MID1: variants seen among roughly 807,000 people sequenced by gnomAD.
The protein encoded by MID1 is E3 ubiquitin-protein ligase Midline-1.
A neutral mutation model predicts 40.4 loss-of-function variants in MID1; 7 were observed. The observed-to-expected ratio is 0.17, with a 90% CI of 0.10 to 0.33. The LOEUF is 0.33. Ranked by LOEUF, MID1 falls within the 10% of genes least tolerant of loss-of-function variation. MID1 has a pLI of 1.00. For missense variants in MID1, 367 were observed against 558.5 expected (o/e 0.66, Z 3.46); for synonymous variants, 229 against 221.2 (o/e 1.04, Z -0.31).
At chrX:10,763,897 T>G (rs1055218970) in intron 1 of MID1, among the ~76,000 whole-genome samples, 60 of 112,433 alleles carry the variant, frequency 5.3e-4, no homozygotes, top group African/African-American at 1.9e-3. Context: ...GGTTTTGATT[T>G]GCGTTTCTCT....
intron 1 of MID1, among the ~76,000 whole-genome samples, chrX:10,609,173 AC>A (rs1428235861): frequency 9.0e-6 from 1 of 111,543 alleles, no homozygotes; most frequent in East Asian, 2.8e-4. Context: ...ACACACACAC[AC>A]ACACATTTGT....
chrX:10,816,207 C>G (rs1569177546), intron 1 of MID1, among the ~76,000 whole-genome samples: 1 of 111,773 alleles, frequency 8.9e-6, no homozygotes, highest in Non-Finnish European at 1.9e-5. Flanking sequence ...GCTCAACCAA[C>G]AAAATAGTTC....
chrX:10,754,316 G>GTTTTT (rs1210089624), intron 1 of MID1, among the ~76,000 whole-genome samples: 11 of 105,408 alleles, frequency 1.0e-4, no homozygotes, highest in African/African-American at 3.1e-4. Context: ...TTTGTTTTTT[G>GTTTTT]TTTTTTGTTT....
intron 1 of MID1, among the ~76,000 whole-genome samples, chrX:10,798,378 C>T (rs760680001): frequency 1.8e-5 from 2 of 111,908 alleles, no homozygotes; most frequent in African/African-American, 6.5e-5. Flanking sequence ...CTGGCAACTG[C>T]GTCTGGCATG....
At chrX:10,504,025 T>C (rs1225295770) in intron 3 of MID1, among the ~76,000 whole-genome samples, 1 of 112,161 alleles carries the variant, frequency 8.9e-6, no homozygotes, top group African/African-American at 3.2e-5. Context: ...ATGTTGTTGA[T>C]GTCGCTGTTA....
intron 1 of MID1, among the ~76,000 whole-genome samples, chrX:10,803,603 G>A (rs924081791): frequency 4.5e-5 from 5 of 111,154 alleles, no homozygotes; most frequent in South Asian, 3.8e-4. Flanking sequence ...TGCCCGCTTC[G>A]GCCTCCCAAA....
intron 1 of MID1, among the ~76,000 whole-genome samples, chrX:10,680,719 C>T (rs886963240): frequency 9.0e-6 from 1 of 110,848 alleles, no homozygotes; most frequent in African/African-American, 3.3e-5. Flanking sequence ...GCCTGCACTT[C>T]TACTTCTGGG....
rs780406773 is a variant in MID1 at position 10,537,808 on chromosome X, T to G, written c.661-14621A>C. ...ACTCCATCCTCTGTCCTGACACGAT[T>G]CAGATTTTGATCTCAGATCTCAACT... On this transcript the variant is annotated intron_variant, in intron 2 of 9. Transcript: ENST00000317552. Among the ~76,000 whole-genome samples the G allele has an allele frequency of 4.5e-5, 5 of 111,995 alleles. No individual in the cohort carries two copies. In the South Asian group the frequency reaches 1.5e-3, roughly 34 times the overall value.
At chrX:10,633,879 T>C (rs1028443289) in intron 1 of MID1, among the ~76,000 whole-genome samples, 2 of 111,640 alleles carry the variant, frequency 1.8e-5, no homozygotes, top group Non-Finnish European at 3.8e-5. Context: ...TCCTCCCCAA[T>C]ACTCGTTGCC....
chrX:10,635,483 ATAAG>A (rs1403814359), intron 1 of MID1, among the ~76,000 whole-genome samples: 1 of 112,190 alleles, frequency 8.9e-6, no homozygotes, highest in African/African-American at 3.2e-5. Context: ...AATTAATAAA[ATAAG>A]TATTCATTTT....
intron 1 of MID1, among the ~76,000 whole-genome samples, chrX:10,710,188 T>C (rs1056832483): frequency 5.4e-5 from 6 of 111,060 alleles, no homozygotes; most frequent in Non-Finnish European, 9.4e-5. Flanking sequence ...GGTTGGTTCA[T>C]TGATGGGGTG....
At chrX:10,730,129 A>C (rs1394299567) in intron 1 of MID1, among the ~76,000 whole-genome samples, 1 of 110,009 alleles carries the variant, frequency 9.1e-6, no homozygotes, top group African/African-American at 3.3e-5. Context: ...AATAAATAAA[A>C]TTCTTATATT....
intron 1 of MID1, among the ~76,000 whole-genome samples, chrX:10,584,954 G>T (rs903235039): frequency 1.3e-4 from 14 of 110,952 alleles, no homozygotes; most frequent in Non-Finnish European, 2.6e-4. Flanking sequence ...AGGTGGGGGG[G>T]TCCACGTGAG....
At chrX:10,472,307 A>G (rs1290493654) in intron 6 of MID1, among the ~76,000 whole-genome samples, 1 of 112,600 alleles carries the variant, frequency 8.9e-6, no homozygotes, top group Non-Finnish European at 1.9e-5. Flanking sequence ...AGAAGACATA[A>G]TAGCAGGTAC....
At chrX:10,533,009 T>A (rs1437360681) in intron 2 of MID1, among the ~76,000 whole-genome samples, 1 of 110,472 alleles carries the variant, frequency 9.1e-6, no homozygotes, top group African/African-American at 3.3e-5. Context: ...CAACCTCAGG[T>A]GATCCACCCG....
chrX:10,698,879 A>C (rs1196395398), intron 1 of MID1, among the ~76,000 whole-genome samples: 1 of 111,505 alleles, frequency 9.0e-6, no homozygotes, highest in Non-Finnish European at 1.9e-5. Flanking sequence ...ACTGGAGATC[A>C]CAAGAATTTA....
intron 1 of MID1, among the ~76,000 whole-genome samples, chrX:10,817,514 C>CTCTT (rs57062100): frequency 0.18 from 14,232 of 80,291 alleles, 1,276 homozygotes; most frequent in East Asian, 0.22. Context: ...TTCTTTTTTT[C>CTCTT]TCTTTCTTTC....
At chrX:10,675,085 A>G (rs1416105076) in intron 1 of MID1, among the ~76,000 whole-genome samples, 1 of 112,287 alleles carries the variant, frequency 8.9e-6, no homozygotes, top group Non-Finnish European at 1.9e-5. Flanking sequence ...GAATATTCTA[A>G]TAAGCACATC....
chrX:10,764,616 A>G (rs2043707582), intron 1 of MID1, among the ~76,000 whole-genome samples: 1 of 111,720 alleles, frequency 9.0e-6, no homozygotes, highest in South Asian at 3.7e-4. Flanking sequence ...TATTTATTGT[A>G]TCTATCCTCA....
Sources: allele counts gnomAD v4.1 joint callset (sites outside exome capture counted in the v4.1 genomes callset), GRCh38; gene constraint gnomAD v4.1.1; transcripts MANE v1.5; gene names NCBI Gene and HGNC (gene_info 2026-07-23, HGNC 2026-07-21).